The following ZBBX variants were observed in gnomAD, a reference collection of about 807,000 sequenced individuals.
ZBBX encodes zinc finger B-box domain containing, also known as zinc finger B-box domain-containing protein 1.
Under a neutral mutation model 108.5 loss-of-function variants are expected in ZBBX, and 101 were observed. That is an observed-to-expected ratio of 0.93 (90% CI 0.79 to 1.10). The LOEUF (loss-of-function observed/expected upper bound fraction) is 1.10. Among genes scored for constraint, ZBBX ranks in the 50% least tolerant of loss-of-function variants. The probability of loss-of-function intolerance (pLI) is 0.00; values close to 1 mark genes in which losing one functional copy is unlikely to be tolerated. For synonymous variants in ZBBX, 356 were observed against 323.4 expected (o/e 1.10, Z -1.08); for missense variants, 1,009 against 941.4 (o/e 1.07, Z -0.94).
chr3:167,355,612 T>C (rs989868855), intron 8 of ZBBX, among the ~76,000 whole-genome samples: 5 of 151,794 alleles, frequency 3.3e-5, no homozygotes, highest in Non-Finnish European at 5.9e-5. Context: ...GGCTTTCAAA[T>C]ATATATATTC....
intron 9 of ZBBX, among the ~76,000 whole-genome samples, chr3:167,337,040 A>G (rs1345070867): frequency 6.6e-6 from 1 of 152,168 alleles, no homozygotes. Flanking sequence ...CTTAATTTCA[A>G]CCCAGACTTG....
intron 1 of ZBBX, among the ~76,000 whole-genome samples, chr3:167,398,604 C>T (rs1225498215): frequency 1.3e-5 from 2 of 151,830 alleles, no homozygotes; most frequent in African/African-American, 4.8e-5. Flanking sequence ...CATTTATTAT[C>T]ACTAACTGGT....
chr3:167,364,140 G>T (rs4546147), intron 6 of ZBBX, among the ~76,000 whole-genome samples: 60,970 of 151,296 alleles, frequency 0.4, 13,477 homozygotes, highest in East Asian at 0.74. Flanking sequence ...GTGCATTGTA[G>T]GATGTTTAGC....
intron 17 of ZBBX, among the ~76,000 whole-genome samples, chr3:167,303,683 G>A (rs4129667): frequency 0.49 from 73,898 of 151,950 alleles, 18,629 homozygotes; most frequent in African/African-American, 0.62. Flanking sequence ...CAGTTCTATT[G>A]GAAGTTTAAA....
At chr3:167,364,423 T>C (rs1214682055) in intron 6 of ZBBX, among the ~76,000 whole-genome samples, 1 of 152,062 alleles carries the variant, frequency 6.6e-6, no homozygotes, top group African/African-American at 2.4e-5. Flanking sequence ...AACATTGAAC[T>C]ACTTCGATTT....
At chr3:167,265,000 A>C (rs1725225098) in intron 20 of ZBBX, among the ~76,000 whole-genome samples, 2 of 152,242 alleles carry the variant, frequency 1.3e-5, no homozygotes, top group African/African-American at 4.8e-5. Flanking sequence ...TGCCAGGCCA[A>C]GTCTAGAAAT....
chr3:167,356,683 TTTG>T (rs943413727), intron 8 of ZBBX, among the ~76,000 whole-genome samples: 31 of 152,292 alleles, frequency 2.0e-4, no homozygotes, highest in African/African-American at 6.5e-4. Context: ...TCATTAAATA[TTTG>T]TTGAGTGCCT....
In ZBBX at chr3:167,255,579, T is replaced by C. The variant is rs550632058; in HGVS notation, c.2255-12936A>G. ...CCTCATCTTTTATTATAGGGAATTA[T>C]TACTATCTGAAACTAAAGCATATAG... On this transcript the variant is annotated intron_variant, in intron 20 of 21. Transcript: ENST00000675490. 3.3e-5 allele frequency among the ~76,000 whole-genome samples: 5 copies of C among 152,246 alleles called. No individual in the cohort carries two copies. The East Asian group carries it at 9.7e-4, about 29-fold the overall frequency.
At chr3:167,218,715 A>C in the ZBBX span, among the ~76,000 whole-genome samples, 7,828 of 152,168 alleles carry the variant, frequency 0.051, 560 homozygotes, top group African/African-American at 0.16. Context: ...GAAAAGAATA[A>C]AAAGAAGACC....
intron 4 of ZBBX, among the ~76,000 whole-genome samples, chr3:167,372,380 G>A (rs1449226819): frequency 1.3e-5 from 2 of 152,084 alleles, no homozygotes; most frequent in South Asian, 4.2e-4. Context: ...TAATTGTTTG[G>A]CTCTGGCTGA....
At chr3:167,178,532 G>A in the ZBBX span, among the ~76,000 whole-genome samples, 2 of 152,134 alleles carry the variant, frequency 1.3e-5, no homozygotes, top group Admixed American at 6.5e-5. Flanking sequence ...CTCAGCATCA[G>A]TCTTGACATG....
chr3:167,260,545 GT>G (rs1315011397), intron 20 of ZBBX, among the ~76,000 whole-genome samples: 4 of 151,978 alleles, frequency 2.6e-5, no homozygotes, highest in Non-Finnish European at 4.4e-5. Flanking sequence ...TTTTTGCTTT[GT>G]CTTTGTTGGA....
At chr3:167,274,880 C>G (rs1467398073) in intron 20 of ZBBX, among the ~76,000 whole-genome samples, 1 of 152,198 alleles carries the variant, frequency 6.6e-6, no homozygotes, top group Non-Finnish European at 1.5e-5. Context: ...TAAAAACCCC[C>G]TGGTGTCCTT....
At chr3:167,405,990 CG>C (rs149803703) in intron 1 of ZBBX, among the ~76,000 whole-genome samples, 5,131 of 152,090 alleles carry the variant, frequency 0.034, 298 homozygotes, top group African/African-American at 0.12. Context: ...CACTTGAACC[CG>C]GGGGGCAGAG....
chr3:167,318,307 G>A (rs777997559), intron 12 of ZBBX, among the ~76,000 whole-genome samples: 22 of 151,952 alleles, frequency 1.4e-4, no homozygotes, highest in Non-Finnish European at 2.6e-4. Context: ...CCTTCTCAGT[G>A]ATATTTGTAG....
intron 5 of ZBBX, among the ~76,000 whole-genome samples, chr3:167,367,657 A>G (rs1272685105): frequency 3.3e-5 from 5 of 151,368 alleles, no homozygotes; most frequent in Admixed American, 6.6e-5. Flanking sequence ...ACATTCACAC[A>G]CATGTATATA....
intron 20 of ZBBX, among the ~76,000 whole-genome samples, chr3:167,274,597 C>A (rs1455536935): frequency 2.6e-5 from 4 of 152,180 alleles, no homozygotes; most frequent in Non-Finnish European, 5.9e-5. Context: ...TCCAACTTAA[C>A]TTTCTTGTTT....
At chr3:167,295,203 A>T (rs1027651434) in intron 18 of ZBBX, among the ~76,000 whole-genome samples, 1 of 152,154 alleles carries the variant, frequency 6.6e-6, no homozygotes, top group African/African-American at 2.4e-5. Context: ...TATATACCTA[A>T]AGGATTATAA....
chr3:167,286,033 A>G (rs1372604479), intron 19 of ZBBX, among the ~76,000 whole-genome samples: 1 of 152,208 alleles, frequency 6.6e-6, no homozygotes, highest in Non-Finnish European at 1.5e-5. Context: ...AATGTGATAG[A>G]GGAACTCAAG....
Sources: allele counts gnomAD v4.1 joint callset (sites outside exome capture counted in the v4.1 genomes callset), GRCh38; gene constraint gnomAD v4.1.1; transcripts MANE v1.5; gene names NCBI Gene and HGNC (gene_info 2026-07-23, HGNC 2026-07-21).